Variants in MAVS observed in about 807,000 individuals in gnomAD.
The protein encoded by MAVS is mitochondrial antiviral signaling protein, also known as mitochondrial antiviral-signaling protein.
In MAVS, 20 loss-of-function variants were observed where a neutral mutation model predicts 30.2. The observed-to-expected ratio is 0.66, with a 90% CI of 0.47 to 0.96. MAVS has a LOEUF of 0.96. Ranked by LOEUF, MAVS falls within the 40% of genes least tolerant of loss-of-function variation. MAVS has a pLI of 0.00. For missense variants in MAVS, 624 were observed against 701.1 expected, an observed-to-expected ratio of 0.89 and a Z score of 1.24; for synonymous variants, 278 against 293.9, an observed-to-expected ratio of 0.95 and a Z score of 0.55.
Position 3,861,431 on chromosome 20 carries a change from A to G in MAVS, c.392A>G (p.Asn131Ser), listed in dbSNP as rs1299292905. 5.6e-6 allele frequency: 9 copies of G among 1,613,818 alleles called. No homozygotes were observed. The highest frequency in any genetic ancestry group is 7.6e-6 in the Non-Finnish European group (9 of 1,179,994). ...GCTGCGGCCCACAGCATCCCCTACA[A>G]CAGCTGCAGAGAGAAGGAGCCAAGT... ...TPAAAHSIPY[N>S]SCREKEPSYP... The change falls in exon 4 of 7, where the codon AAC becomes AGC. Residue 131 changes from asparagine (N) to serine (S), a missense_variant. Asn to Ser is a conservative substitution (Grantham distance 46). Transcript: ENST00000428216.
rs749547711 is a variant in MAVS, at chr20:3,865,896, AATGAGT to A, written c.1375_1380del (p.Glu459_Tyr460del). On this transcript the variant is annotated inframe_deletion, in exon 7 of 7. Coordinates refer to ENST00000428216, the MANE Select transcript of MAVS (RefSeq NM_020746.5). This position sits in a 1 kb window ranked among gnomAD's most constrained non-coding sequence, Gnocchi z 4.7. The stretch of plus-strand genomic sequence containing the variant: ...GGGGCCCTGCCATGGCCCAGAGGAG[AATGAGT>A]ATAAGTCCGAGGGCACCTTTGGGAT... 11 of 1,613,798 alleles carry A rather than the reference AATGAGT, an allele frequency of 6.8e-6. No individual in the cohort carries two copies. Among genetic ancestry groups the A allele is most frequent in the African/African-American group, 1.3e-5 (1 of 74,884 alleles).
intron 1 of MAVS, among the ~76,000 whole-genome samples, chr20:3,853,666 G>C (rs1221146789): frequency 1.3e-5 from 2 of 151,998 alleles, no homozygotes; most frequent in Non-Finnish European, 2.9e-5. Context: ...TAGTGGCGCA[G>C]GTTTGTAGTT....
chr20:3,847,496 G>C (rs1185272629), intron 1 of MAVS, among the ~76,000 whole-genome samples: 4 of 152,190 alleles, frequency 2.6e-5, no homozygotes, highest in African/African-American at 9.7e-5. Flanking sequence ...GGAACACTCT[G>C]TCACCTACTT....
chr20:3,859,303 C>G (rs895980557), intron 3 of MAVS, among the ~76,000 whole-genome samples: 1 of 151,760 alleles, frequency 6.6e-6, no homozygotes. Flanking sequence ...GTCAGGAGTT[C>G]GAGACCAGCC....
At position 3,861,466 on chromosome 20, in the gene MAVS, C is replaced by G; in HGVS notation, c.427C>G (p.Pro143Ala). ...AGAGAAGGAGCCAAGTTACCCCATG[C>G]CTGTCCAGGAGACCCAGGCGCCAGA... ...CREKEPSYPMPVQETQAPESP... is the reference protein window; with the variant it reads ...CREKEPSYPMAVQETQAPESP... Residue 143 changes from proline to alanine, a missense_variant, in exon 4 of 7, where the codon CCT (proline) becomes GCT (alanine). Coordinates refer to ENST00000428216, the MANE Select transcript of MAVS (RefSeq NM_020746.5). The G allele has an allele frequency of 6.2e-7, 1 of 1,614,130 alleles. No homozygotes were observed. Among genetic ancestry groups the G allele is most frequent in the East Asian group, 2.2e-5 (1 of 44,882 alleles).
intron 1 of MAVS, among the ~76,000 whole-genome samples, chr20:3,849,002 C>T (rs550795917): frequency 6.6e-6 from 1 of 152,238 alleles, no homozygotes; most frequent in East Asian, 1.9e-4. Context: ...TCCCAGTTTT[C>T]ATCCTGGCCC....
intron 3 of MAVS, among the ~76,000 whole-genome samples, chr20:3,858,881 C>G (rs2089837015): frequency 6.6e-6 from 1 of 151,496 alleles, no homozygotes; most frequent in Admixed American, 6.6e-5. Context: ...CTCACTGCAG[C>G]CTTGACCTCC....
In MAVS at chr20:3,846,908, GA is replaced by G. The variant is rs2089714114; in HGVS notation, c.-68+6del. ...TCAGGGCCGGGGGTACCCGAGGTAAGATCGCTTCCCGGGCGTTGGGTCCTTT... is the reference window on the plus strand; with the variant it reads ...TCAGGGCCGGGGGTACCCGAGGTAAGTCGCTTCCCGGGCGTTGGGTCCTTT... On this transcript the variant is annotated splice_donor_region_variant and intron_variant, in intron 1 of 6. Transcript: ENST00000428216. 6.6e-6 allele frequency: 1 copy of G among 152,416 alleles called. No individual in the cohort carries two copies. The allele number at this position is 152,416 out of a possible 1,614,324, so 9.4% of individuals were successfully genotyped here. A position where few individuals can be genotyped will look rare whatever the true frequency, so the allele number is the denominator to read the frequency against.
rs1600456281 is a variant in MAVS at position 3,866,834 on chromosome 20, T to C, written c.*687T>C. The C allele has an allele frequency of 2.2e-6, 1 of 455,544 alleles. No individual in the cohort carries two copies. Among genetic ancestry groups the C allele is most frequent in the East Asian group, 6.9e-5 (1 of 14,512 alleles). 28.2% of individuals were successfully genotyped at this position (455,544 alleles called of 1,614,324 possible). A position where few individuals can be genotyped will look rare whatever the true frequency, so the allele number is the denominator to read the frequency against. On this transcript the variant is annotated 3_prime_UTR_variant, in exon 7 of 7. Coordinates refer to ENST00000428216, the MANE Select transcript of MAVS (RefSeq NM_020746.5). ...TCCAGCCTCCTCTTTCCCTCCCCTC[T>C]GGTCTCCATTCTCTTCAGCTCCCTA...
chr20:3,857,490 T>C, intron 2 of MAVS, 145 bp from the exon 3 acceptor site: 1 of 892,850 alleles, frequency 1.1e-6, no homozygotes, highest in South Asian at 1.7e-5. Flanking sequence ...TACCTGGCCC[T>C]GTCCTGGGCT....
At position 3,875,144 on chromosome 20, in the gene MAVS, T is replaced by G. The variant is rs1466737520; in HGVS notation, c.*8997T>G. The G allele has an allele frequency of 6.6e-6, 1 of 152,242 alleles. No homozygotes were observed. The highest frequency in any genetic ancestry group is 1.5e-5 in the Non-Finnish European group (1 of 68,062). 9.4% of individuals were successfully genotyped at this position (152,242 alleles called of 1,614,324 possible). On this transcript the variant is annotated 3_prime_UTR_variant, in exon 7 of 7. Coordinates refer to ENST00000428216, the MANE Select transcript of MAVS (RefSeq NM_020746.5). ...TTTAAAAACCTAGAGCTGGGCATGA[T>G]GGCCCCAGCCTGTAATCCCAGTGAT...
intron 1 of MAVS, among the ~76,000 whole-genome samples, chr20:3,851,048 C>T (rs1005859010): frequency 2.0e-5 from 3 of 151,978 alleles, no homozygotes; most frequent in Admixed American, 6.6e-5. Context: ...TGGCCAGGCG[C>T]GTTGGCTGGC....
intron 1 of MAVS, among the ~76,000 whole-genome samples, 162 bp downstream of exon 1, chr20:3,847,065 G>A (rs751829238): frequency 6.6e-6 from 1 of 152,226 alleles, no homozygotes; most frequent in Non-Finnish European, 1.5e-5. Flanking sequence ...CCGGAAGAGC[G>A]GGCCCTGTCG....
At chr20:3,853,838 G>C (rs186888345) in intron 1 of MAVS, among the ~76,000 whole-genome samples, 1 of 151,986 alleles carries the variant, frequency 6.6e-6, no homozygotes, top group African/African-American at 2.4e-5. Context: ...GCCCAGGCTG[G>C]AGTGCAATGG....
At chr20:3,851,327 C>G (rs958533056) in intron 1 of MAVS, among the ~76,000 whole-genome samples, 6 of 145,936 alleles carry the variant, frequency 4.1e-5, no homozygotes, top group African/African-American at 1.3e-4. Context: ...GACTCTTTCT[C>G]AAAAACAACA....
chr20:3,867,288 T>A lies in MAVS; in HGVS notation c.*1141T>A, dbSNP rs1478547999. 2.9e-6 allele frequency: 1 copy of A among 343,948 alleles called. No homozygotes were observed. The highest frequency in any genetic ancestry group is 5.7e-6 in the Non-Finnish European group (1 of 175,168). 21.3% of individuals were successfully genotyped at this position (343,948 alleles called of 1,614,324 possible). A position where few individuals can be genotyped will look rare whatever the true frequency, so the allele number is the denominator to read the frequency against. ...AAGGAGGATAAGTATATATATATAT[T>A]TCCCAGTGTTGTGAAGATTAAAGGA... On this transcript the variant is annotated 3_prime_UTR_variant, in exon 7 of 7. Coordinates refer to ENST00000428216, the MANE Select transcript of MAVS (RefSeq NM_020746.5).
intron 2 of MAVS, 78 bp from the exon 3 acceptor site, chr20:3,857,557 C>CA (rs2089821853): frequency 8.1e-6 from 12 of 1,485,992 alleles, no homozygotes; most frequent in Non-Finnish European, 9.0e-6. Flanking sequence ...ACCCCTCCCC[C>CA]CGCTGTGGCT....
intron 1 of MAVS, among the ~76,000 whole-genome samples, chr20:3,854,342 T>C (rs1416992026): frequency 1.4e-5 from 2 of 145,662 alleles, no homozygotes; most frequent in South Asian, 2.1e-4. Context: ...AGAGACTCAA[T>C]TGAACCCAGG....
intron 5 of MAVS, 56 bp downstream of exon 5, chr20:3,862,469 A>G: frequency 1.3e-6 from 2 of 1,532,252 alleles, no homozygotes; most frequent in East Asian, 2.4e-5. Flanking sequence ...TGAGGGTAAG[A>G]ATTAGAGTTG....
Sources: gnomAD v4.1 joint callset for allele counts (sites outside exome capture counted in the v4.1 genomes callset) on GRCh38, gnomAD v4.1.1 for gene constraint, Gnocchi (gnomAD v3.1) non-coding constraint, MANE v1.5 for transcripts, NCBI Gene and HGNC (gene_info 2026-07-23, HGNC 2026-07-21) for gene names.